BIRC6: variants seen among roughly 807,000 people sequenced by gnomAD.
The protein encoded by BIRC6 is dual E2 ubiquitin-conjugating enzyme/E3 ubiquitin-protein ligase BIRC6.
Under a neutral mutation model 503.3 loss-of-function variants are expected in BIRC6, and 98 were observed. The ratio of observed to expected loss-of-function variants is 0.19; its 90% confidence interval spans 0.17 to 0.23. The LOEUF is 0.23. BIRC6 is among the 10% of genes least tolerant of loss of function. The pLI is 1.00. For missense variants in BIRC6, 5,360 were observed against 5,806.0 expected, an observed-to-expected ratio of 0.92 and a Z score of 2.50; for synonymous variants, 2,240 against 2,078.7, an observed-to-expected ratio of 1.08 and a Z score of -2.11.
chr2:32,504,136 G>A (rs1482484643), intron 49 of BIRC6, among the ~76,000 whole-genome samples: 1 of 149,880 alleles, frequency 6.7e-6, no homozygotes, highest in Non-Finnish European at 1.5e-5. Flanking sequence ...CTGGCCCCAA[G>A]TGATCCCCCA....
intron 3 of BIRC6, among the ~76,000 whole-genome samples, chr2:32,388,438 C>G (rs1196282518): frequency 6.6e-6 from 1 of 151,336 alleles, no homozygotes; most frequent in Non-Finnish European, 1.5e-5. Flanking sequence ...GTCACCAGAT[C>G]ACTAAAATTA....
intron 11 of BIRC6, 41 bp downstream of exon 11, chr2:32,429,336 G>A: frequency 7.4e-7 from 1 of 1,358,194 alleles, no homozygotes; most frequent in Non-Finnish European, 9.8e-7. Flanking sequence ...AAAAAGAATA[G>A]GTAGTATTTA....
intron 3 of BIRC6, among the ~76,000 whole-genome samples, chr2:32,384,639 T>A (rs2038182675): frequency 6.6e-6 from 1 of 152,208 alleles, no homozygotes; most frequent in South Asian, 2.1e-4. Context: ...GACGTGATAT[T>A]TGCCACCCAA....
intron 15 of BIRC6, 104 bp from the exon 16 acceptor site, chr2:32,439,399 CTACTG>C (rs2148247617): frequency 9.2e-7 from 1 of 1,081,084 alleles, no homozygotes; most frequent in South Asian, 1.7e-5. Context: ...AAGTTCTGGC[CTACTG>C]TACTTTTTGT....
intron 45 of BIRC6, among the ~76,000 whole-genome samples, chr2:32,498,587 C>T (rs2052773812): frequency 6.6e-6 from 1 of 151,722 alleles, no homozygotes; most frequent in African/African-American, 2.4e-5. Flanking sequence ...TTGCTTTAGA[C>T]AGTCTTTGTT....
intron 1 of BIRC6, among the ~76,000 whole-genome samples, chr2:32,369,888 C>T (rs1292182617): frequency 1.5e-5 from 2 of 129,942 alleles, no homozygotes; most frequent in African/African-American, 5.9e-5. Flanking sequence ...ACCAGGAGTT[C>T]CAGGTTAGCC....
Position 32,467,474 on chromosome 2 carries a change from A to G in BIRC6, c.5357-51A>G, listed in dbSNP as rs181566616. ...GCTCCAAATTATTTTTGAGTGTATC[A>G]TTTGGTTAATTGATATATTTTTGGT... On this transcript the variant is annotated intron_variant, in intron 26 of 73. Coordinates refer to ENST00000421745, the MANE Select transcript of BIRC6 (RefSeq NM_016252.4). The G allele has an allele frequency of 1.3e-4, 180 of 1,410,824 alleles. 1 individual carries two copies. The African/African-American group carries it at 2.5e-3, about 19-fold the overall frequency. The allele number at this position is 1,410,824 out of a possible 1,614,324, so 87.4% of individuals were successfully genotyped here.
chr2:32,490,831 T>A (rs1292211423), intron 43 of BIRC6, among the ~76,000 whole-genome samples: 1 of 152,312 alleles, frequency 6.6e-6, no homozygotes, highest in South Asian at 2.1e-4. Context: ...CTGGGTTTTG[T>A]TTAATAATTT....
chr2:32,373,018 A>G lies in BIRC6; in HGVS notation c.326-4570A>G, dbSNP rs190401699. On this transcript the variant is annotated intron_variant, in intron 1 of 73. Coordinates refer to ENST00000421745, the MANE Select transcript of BIRC6 (RefSeq NM_016252.4). ...AAGTTTGTGTTTAACTTTGTAAGAA[A>G]CTGTCAAACCAGTGTGGCTGTACCA... Among the ~76,000 whole-genome samples the G allele has an allele frequency of 3.1e-3, 473 of 152,308 alleles. 6 individuals are homozygous for G. Among genetic ancestry groups the G allele is most frequent in the Non-Finnish European group, 5.8e-3 (397 of 68,030 alleles).
rs995215075 is a variant in BIRC6 at position 32,611,128 on chromosome 2, T to C, written c.14260-320T>C. ...ATTGCCTTTTTTTTTTTGTTTGAGA[T>C]GGAGGCTTGCTCTGTCGCCCAGGCT... On this transcript the variant is annotated intron_variant, in intron 72 of 73. Coordinates refer to ENST00000421745, the MANE Select transcript of BIRC6 (RefSeq NM_016252.4). Among the ~76,000 whole-genome samples, 212 of 147,858 alleles carry C rather than the reference T, an allele frequency of 1.4e-3. 7 individuals are homozygous for C. The highest frequency in any genetic ancestry group is 0.013 in the Admixed American group (166 of 12,562).
Position 32,435,714 on chromosome 2 carries a change from A to G in BIRC6, c.3499+129A>G, listed in dbSNP as rs879378307. 7.0e-6 allele frequency: 7 copies of G among 997,602 alleles called. No homozygotes were observed. The South Asian group carries it at 8.7e-5, about 12-fold the overall frequency. 61.8% of individuals were successfully genotyped at this position (997,602 alleles called of 1,614,324 possible). A position where few individuals can be genotyped will look rare whatever the true frequency, so the allele number is the denominator to read the frequency against. On this transcript the variant is annotated intron_variant, in intron 14 of 73. Coordinates refer to ENST00000421745, the MANE Select transcript of BIRC6 (RefSeq NM_016252.4). ...CAAGAACACAATTAAAAAATAACCT[A>G]TAATTCTGCTTTGGCAATATGCTTT... is the stretch of plus-strand genomic sequence containing the variant.
At chr2:32,503,819 C>T (rs902295927) in intron 49 of BIRC6, among the ~76,000 whole-genome samples, 2 of 152,002 alleles carry the variant, frequency 1.3e-5, no homozygotes, top group African/African-American at 2.4e-5. Context: ...GAGATTCTTC[C>T]GTAAGTTTTC....
At chr2:32,476,725 G>A (rs1572496071) in intron 34 of BIRC6, among the ~76,000 whole-genome samples, 1 of 152,074 alleles carries the variant, frequency 6.6e-6, no homozygotes, top group East Asian at 1.9e-4. Flanking sequence ...GAAAAATGTG[G>A]CATTCTCTTT....
chr2:32,484,598 T>G (rs968269060), intron 39 of BIRC6, among the ~76,000 whole-genome samples: 2 of 151,904 alleles, frequency 1.3e-5, no homozygotes, highest in African/African-American at 4.8e-5. Flanking sequence ...ACTGTAATAG[T>G]TTATTCGTTC....
intron 8 of BIRC6, among the ~76,000 whole-genome samples, chr2:32,404,001 C>T (rs2040896669): frequency 6.6e-6 from 1 of 150,476 alleles, no homozygotes; most frequent in African/African-American, 2.4e-5. Context: ...AATCTTGGCT[C>T]ACAGCAACCT....
At chr2:32,605,002 C>T (rs116264019) in intron 71 of BIRC6, among the ~76,000 whole-genome samples, 130 of 151,788 alleles carry the variant, frequency 8.6e-4, no homozygotes, top group African/African-American at 3.1e-3. Context: ...TCCACCTTAG[C>T]CTCCTGAGTA....
intron 66 of BIRC6, among the ~76,000 whole-genome samples, chr2:32,580,894 C>A (rs1386127619): frequency 6.6e-6 from 1 of 152,162 alleles, no homozygotes; most frequent in African/African-American, 2.4e-5. Context: ...AAAAAGCAAT[C>A]TGTGTTCATA....
intron 66 of BIRC6, among the ~76,000 whole-genome samples, chr2:32,584,141 G>C (rs559945235): frequency 8.5e-5 from 13 of 152,308 alleles, no homozygotes; most frequent in African/African-American, 2.9e-4. Flanking sequence ...GGGAGGTTGA[G>C]GTGAGAGGAT....
chr2:32,473,994 G>C (rs564452293), intron 33 of BIRC6, among the ~76,000 whole-genome samples: 96 of 151,772 alleles, frequency 6.3e-4, no homozygotes, highest in East Asian at 2.7e-3. Context: ...TGGCTCTGGC[G>C]ATTCTTCTAC....
Sources: allele counts gnomAD v4.1 joint callset (sites outside exome capture counted in the v4.1 genomes callset), GRCh38; gene constraint gnomAD v4.1.1; transcripts MANE v1.5; gene names NCBI Gene and HGNC (gene_info 2026-07-23, HGNC 2026-07-21).